EML6: variants seen among roughly 807,000 people sequenced by gnomAD.
The protein encoded by EML6 is EMAP like 6.
In EML6, 154 loss-of-function variants were observed where a neutral mutation model predicts 240.1. The observed-to-expected ratio is 0.64, with a 90% CI of 0.56 to 0.73. The LOEUF (loss-of-function observed/expected upper bound fraction) is 0.73. EML6 is among the 30% of genes least tolerant of loss of function. EML6 has a pLI of 0.00. For missense variants in EML6, 2,964 were observed against 2,474.6 expected, an observed-to-expected ratio of 1.20 and a Z score of -4.20; for synonymous variants, 1,148 against 899.0, an observed-to-expected ratio of 1.28 and a Z score of -4.95.
At chr2:54,824,062 T>C (rs1490515299) in intron 5 of EML6, among the ~76,000 whole-genome samples, 1 of 152,164 alleles carries the variant, frequency 6.6e-6, no homozygotes, top group East Asian at 1.9e-4. Flanking sequence ...TAGAGCTCTT[T>C]ACACTGAGAA....
chr2:54,754,095 A>G (rs1558526955), intron 2 of EML6, among the ~76,000 whole-genome samples: 1 of 150,970 alleles, frequency 6.6e-6, no homozygotes, highest in Non-Finnish European at 1.5e-5. Flanking sequence ...AGATCACACC[A>G]CTGCATTCCA....
chr2:54,916,950 T>C lies in EML6; in HGVS notation c.3675+15T>C. 1 of 1,515,892 alleles carries C rather than the reference T, an allele frequency of 6.6e-7. No homozygotes were observed. The highest frequency in any genetic ancestry group is 2.5e-5 in the East Asian group (1 of 40,126). 93.9% of individuals were successfully genotyped at this position (1,515,892 alleles called of 1,614,324 possible). A position where few individuals can be genotyped will look rare whatever the true frequency, so the allele number is the denominator to read the frequency against. On this transcript the variant is annotated intron_variant, in intron 26 of 41. Transcript: ENST00000356458. ...ATCCTGTCAAGGTAATATTGCGTGT[T>C]TATTATCTTTACTTGCTCAGTCTCC...
In EML6 at chr2:54,839,335, C is replaced by G. The variant is rs200138428; in HGVS notation, c.848-4712C>G. 2.6e-5 allele frequency among the ~76,000 whole-genome samples: 4 copies of G among 152,322 alleles called. No individual in the cohort carries two copies. The East Asian group carries it at 7.7e-4, about 29-fold the overall frequency. On this transcript the variant is annotated intron_variant, in intron 7 of 41. Transcript: ENST00000356458. ...AATACAGCTTTTGACACACTGATGTCTTCCTTTTTAAAATGGTTATCTAAG... is the reference window on the plus strand; with the variant it reads ...AATACAGCTTTTGACACACTGATGTGTTCCTTTTTAAAATGGTTATCTAAG...
intron 2 of EML6, among the ~76,000 whole-genome samples, chr2:54,744,558 G>A (rs1025178257): frequency 6.6e-5 from 10 of 152,042 alleles, no homozygotes; most frequent in African/African-American, 2.4e-4. Flanking sequence ...CCAGTGTGAA[G>A]GAATGACCTC....
intron 7 of EML6, among the ~76,000 whole-genome samples, chr2:54,842,593 G>C (rs1174030025): frequency 6.6e-6 from 1 of 152,218 alleles, no homozygotes; most frequent in Non-Finnish European, 1.5e-5. Context: ...CACAGTGCCT[G>C]CTGGGGAGGC....
At chr2:54,908,484 C>G (rs1050581580) in intron 24 of EML6, among the ~76,000 whole-genome samples, 1 of 151,994 alleles carries the variant, frequency 6.6e-6, no homozygotes, top group African/African-American at 2.4e-5. Flanking sequence ...TGGAAAGATA[C>G]GGAGATATTT....
At chr2:54,918,354 A>C (rs1674042398) in intron 26 of EML6, among the ~76,000 whole-genome samples, 1 of 150,870 alleles carries the variant, frequency 6.6e-6, no homozygotes, top group Non-Finnish European at 1.5e-5. Flanking sequence ...TATTTTAACT[A>C]ATGAATGAAT....
intron 29 of EML6, among the ~76,000 whole-genome samples, chr2:54,950,008 C>T (rs1327433764): frequency 1.3e-5 from 2 of 152,222 alleles, no homozygotes; most frequent in Non-Finnish European, 2.9e-5. Context: ...CTTCCACCTG[C>T]ACAGTGATAG....
rs1389602445 is a variant in EML6, at chr2:54,855,467, C to T, written c.1657+1612C>T. On this transcript the variant is annotated intron_variant, in intron 11 of 41. Coordinates refer to ENST00000356458, the MANE Select transcript of EML6 (RefSeq NM_001039753.4). ...AGTTACCTTCTACCATGCCCCCCCC[C>T]CGCCCTCTAATTCTGGAGATTACAA... Among the ~76,000 whole-genome samples the T allele has an allele frequency of 2.8e-5, 4 of 141,340 alleles. No homozygotes were observed. In the Admixed American group the frequency reaches 2.9e-4, roughly 10 times the overall value. 92.7% of individuals were successfully genotyped at this position (141,340 alleles called of 152,430 possible).
intron 2 of EML6, among the ~76,000 whole-genome samples, chr2:54,729,393 TATATAAGA>T (rs1445432975): frequency 6.6e-6 from 1 of 152,234 alleles, no homozygotes. Context: ...TTTGTAAGCG[TATATAAGA>T]CTCTTGAGGC....
chr2:54,859,676 C>A lies in EML6; in HGVS notation c.1800C>A (p.Asn600Lys). 1 of 1,545,436 alleles carries A rather than the reference C, an allele frequency of 6.5e-7. No homozygotes were observed. The highest frequency in any genetic ancestry group is 1.4e-5 in the African/African-American group (1 of 72,796). The change falls in exon 12 of 42, where the codon AAC (asparagine) becomes AAA (lysine). Residue 600 changes from asparagine to lysine, a missense_variant. Transcript: ENST00000356458. ...GGTTTATTCCAGAAGGTGTCAGCAA[C>A]GGCATGCTGGAAACTGCACCCCAAG... ...QWRFIPEGVSNGMLETAPQEG... is the reference protein window; with the variant it reads ...QWRFIPEGVSKGMLETAPQEG...
Position 54,847,576 on chromosome 2 carries a change from G to C in EML6, c.1140G>C (p.Gln380His), listed in dbSNP as rs1326593414. Residue 380 changes from glutamine to histidine, a missense_variant, in exon 9 of 42, where the codon CAG (glutamine) becomes CAC (histidine). Coordinates refer to ENST00000356458, the MANE Select transcript of EML6 (RefSeq NM_001039753.4). ...RSVAFSPDGS[Q>H]LALGMKDGSF... ...TAGCTTTCAGCCCCGACGGATCTCA[G>C]CTGGCCCTGGGCATGAAGGACGGCT... 2.6e-6 allele frequency: 4 copies of C among 1,552,344 alleles called. No homozygotes were observed. The Admixed American group carries it at 7.8e-5, about 30-fold the overall frequency.
intron 2 of EML6, among the ~76,000 whole-genome samples, chr2:54,760,739 G>A (rs1667942300): frequency 6.6e-6 from 1 of 151,078 alleles, no homozygotes; most frequent in Non-Finnish European, 1.5e-5. Flanking sequence ...CACTGCTTTT[G>A]TCCTGGAATT....
At chr2:54,922,079 C>CT (rs1179046411) in intron 26 of EML6, among the ~76,000 whole-genome samples, 1 of 152,094 alleles carries the variant, frequency 6.6e-6, no homozygotes, top group Non-Finnish European at 1.5e-5. Flanking sequence ...CAACATCAAA[C>CT]TAAAAAGCTT....
Position 54,960,304 on chromosome 2 carries a change from G to A in EML6, c.4938G>A (p.Val1646=), listed in dbSNP as rs1225823956. The change falls in exon 35 of 42, where the codon GTG becomes GTA. Residue 1646 remains valine, a synonymous_variant. Coordinates refer to ENST00000356458, the MANE Select transcript of EML6 (RefSeq NM_001039753.4). The part of the protein sequence containing the change: ...RAFQLETGQL[V]ECVRSVCRGK... ...TTCAGCTGGAGACCGGGCAGCTGGT[G>A]GAGTGTGTGCGCTCCGTGTGCCGTG... The A allele has an allele frequency of 1.3e-6, 2 of 1,551,176 alleles. No homozygotes were observed. Among genetic ancestry groups the A allele is most frequent in the East Asian group, 2.4e-5 (1 of 40,922 alleles).
In EML6 at chr2:54,964,589, A is replaced by C. The variant is rs11895689; in HGVS notation, c.5349A>C (p.Arg1783=). Residue 1783 remains arginine (R), a synonymous_variant, in exon 38 of 42, where the codon CGA becomes CGC. Transcript: ENST00000356458. The stretch of plus-strand genomic sequence containing the variant: ...TTTCTAGAATCAGCCCAGACAACCG[A>C]TTCTTAGCCGTTGGTTCTTCTGAAC... ...IQDIRISPDN[R]FLAVGSSEHT... 9,760 of 1,552,322 alleles carry C rather than the reference A, an allele frequency of 6.3e-3. 395 individuals are homozygous for C. In the African/African-American group the frequency reaches 0.1, roughly 16 times the overall value.
At chr2:54,823,806 A>G (rs369931936) in intron 5 of EML6, among the ~76,000 whole-genome samples, 1 of 147,316 alleles carries the variant, frequency 6.8e-6, no homozygotes, top group African/African-American at 2.5e-5. Flanking sequence ...GACTCTGGGC[A>G]ACCATTTAAT....
chr2:54,944,500 C>T (rs940745606), intron 28 of EML6, among the ~76,000 whole-genome samples: 2 of 152,212 alleles, frequency 1.3e-5, no homozygotes, highest in Non-Finnish European at 2.9e-5. Context: ...TCTCTTGGAT[C>T]ATCACAGTGG....
rs566284281 is a variant in EML6, at chr2:54,949,538, A to G, written c.4083+578A>G. Among the ~76,000 whole-genome samples the G allele has an allele frequency of 5.8e-4, 89 of 152,292 alleles. No homozygotes were observed. In the Middle Eastern group the frequency reaches 0.014, roughly 23 times the overall value. On this transcript the variant is annotated intron_variant, in intron 29 of 41. Transcript: ENST00000356458. ...AAGGGATTTGAACTCAATTGTTGAG[A>G]CTAGGCTCTCATAAAGTCAGAGGCC...
Sources: gnomAD v4.1 joint callset for allele counts (sites outside exome capture counted in the v4.1 genomes callset) on GRCh38, gnomAD v4.1.1 for gene constraint, MANE v1.5 for transcripts, NCBI Gene and HGNC (gene_info 2026-07-23, HGNC 2026-07-21) for gene names.